Variants in GTF2F2 observed in about 807,000 individuals in gnomAD.
The protein encoded by GTF2F2 is ATP-dependent helicase GTF2F2.
Under a neutral mutation model 42.2 loss-of-function variants are expected in GTF2F2, and 23 were observed. That is an observed-to-expected ratio of 0.55 (90% confidence interval 0.39 to 0.77). The LOEUF (loss-of-function observed/expected upper bound fraction) is 0.77, where lower values mean the gene tolerates loss of function less well. GTF2F2 is among the 30% of genes least tolerant of loss of function. The probability of loss-of-function intolerance (pLI) is 0.00; values close to 1 mark genes in which losing one functional copy is unlikely to be tolerated. For synonymous variants in GTF2F2, 105 were observed against 100.8 expected, an observed-to-expected ratio of 1.04 and a Z score of -0.25; for missense variants, 261 against 287.2, an observed-to-expected ratio of 0.91 and a Z score of 0.66.
intron 6 of GTF2F2, among the ~76,000 whole-genome samples, chr13:45,260,096 G>A (rs1876273744): frequency 6.6e-6 from 1 of 151,930 alleles, no homozygotes; most frequent in African/African-American, 2.4e-5. Context: ...ACTGGTTGTT[G>A]AGGTAAACCC....
chr13:45,165,435 A>G (rs1038391291), intron 4 of GTF2F2, among the ~76,000 whole-genome samples: 2 of 151,354 alleles, frequency 1.3e-5, no homozygotes, highest in Non-Finnish European at 2.9e-5. Context: ...TTAAAGATTC[A>G]TATACAGTAA....
chr13:45,257,654 G>C (rs190405389), intron 6 of GTF2F2, among the ~76,000 whole-genome samples: 2 of 152,198 alleles, frequency 1.3e-5, no homozygotes, highest in South Asian at 2.1e-4. Flanking sequence ...TTTACAAGAG[G>C]GCCCACTGGG....
chr13:45,135,698 T>C (rs1869585496), intron 1 of GTF2F2, among the ~76,000 whole-genome samples: 1 of 152,252 alleles, frequency 6.6e-6, no homozygotes. Context: ...GTCGTGTTTT[T>C]TTGCACATGA....
intron 4 of GTF2F2, among the ~76,000 whole-genome samples, chr13:45,165,645 G>A (rs1411774136): frequency 2.4e-4 from 36 of 148,470 alleles, no homozygotes; most frequent in Admixed American, 2.4e-3. Flanking sequence ...AAATAGTACA[G>A]TGAACTTCCA....
intron 7 of GTF2F2, among the ~76,000 whole-genome samples, chr13:45,273,773 G>A (rs1438322945): frequency 6.6e-6 from 1 of 150,600 alleles, no homozygotes; most frequent in Non-Finnish European, 1.5e-5. Context: ...TCCTGCCTCA[G>A]CCTCCTGAGT....
intron 4 of GTF2F2, among the ~76,000 whole-genome samples, chr13:45,166,063 A>G (rs2181764): frequency 0.23 from 34,839 of 151,838 alleles, 4,328 homozygotes; most frequent in African/African-American, 0.3. Context: ...ATCTGCCAGC[A>G]TCAGCCTCTC....
In GTF2F2 at chr13:45,149,858, G is replaced by C. The variant is rs1484415368; in HGVS notation, c.159+70G>C. 5.7e-6 allele frequency: 8 copies of C among 1,395,986 alleles called. No individual in the cohort carries two copies. In the African/African-American group the frequency reaches 5.9e-5, roughly 10 times the overall value. The allele number at this position is 1,395,986 out of a possible 1,614,324, so 86.5% of individuals were successfully genotyped here. On this transcript the variant is annotated intron_variant, in intron 3 of 7. Transcript: ENST00000340473. ...CTTTTCATTAATAATAGTGAAAAAAGAGTGTTTGAATTTTGGAAAACTCCA... is the reference window on the plus strand; with the variant it reads ...CTTTTCATTAATAATAGTGAAAAAACAGTGTTTGAATTTTGGAAAACTCCA...
intron 4 of GTF2F2, among the ~76,000 whole-genome samples, chr13:45,201,628 C>T (rs959631294): frequency 1.3e-5 from 2 of 152,072 alleles, no homozygotes; most frequent in South Asian, 4.1e-4. Flanking sequence ...AATTTTCTCT[C>T]GAGTTTTTTC....
chr13:45,188,218 A>T (rs1009350951), intron 4 of GTF2F2, among the ~76,000 whole-genome samples: 1 of 152,170 alleles, frequency 6.6e-6, no homozygotes, highest in African/African-American at 2.4e-5. Context: ...TGCTGATTTT[A>T]TATTGCTGAC....
At chr13:45,262,712 C>T (rs1201720178) in intron 6 of GTF2F2, among the ~76,000 whole-genome samples, 1 of 151,980 alleles carries the variant, frequency 6.6e-6, no homozygotes, top group Non-Finnish European at 1.5e-5. Flanking sequence ...AGCCACTGCG[C>T]CCGGCCTAAT....
chr13:45,247,895 A>T (rs1001076911), intron 5 of GTF2F2, among the ~76,000 whole-genome samples: 1 of 152,248 alleles, frequency 6.6e-6, no homozygotes, highest in East Asian at 1.9e-4. Flanking sequence ...CCCAGGCATG[A>T]GTGCAGTGGA....
chr13:45,249,963 T>C (rs1177528165), intron 5 of GTF2F2, among the ~76,000 whole-genome samples: 1 of 152,164 alleles, frequency 6.6e-6, no homozygotes, highest in Non-Finnish European at 1.5e-5. Context: ...CTTCAATCTT[T>C]TTTCTCTCTC....
chr13:45,210,249 C>G (rs1414127982), intron 5 of GTF2F2, among the ~76,000 whole-genome samples: 1 of 152,176 alleles, frequency 6.6e-6, no homozygotes, highest in Non-Finnish European at 1.5e-5. Context: ...CCATCCTCAT[C>G]TTTTTCTTCC....
chr13:45,265,689 GT>G (rs1876534433), intron 6 of GTF2F2, among the ~76,000 whole-genome samples: 1 of 152,056 alleles, frequency 6.6e-6, no homozygotes, highest in African/African-American at 2.4e-5. Context: ...CATATTTTTA[GT>G]TTTAATATCA....
At chr13:45,249,600 A>G (rs1487377099) in intron 5 of GTF2F2, among the ~76,000 whole-genome samples, 1 of 152,232 alleles carries the variant, frequency 6.6e-6, no homozygotes, top group African/African-American at 2.4e-5. Flanking sequence ...GAAGCACTTC[A>G]CTAAACAAAC....
At chr13:45,121,556 G>C (rs1868633677) in intron 1 of GTF2F2, among the ~76,000 whole-genome samples, 1 of 152,158 alleles carries the variant, frequency 6.6e-6, no homozygotes. Flanking sequence ...CAGCCCCCTT[G>C]TGATCATTTG....
intron 6 of GTF2F2, among the ~76,000 whole-genome samples, chr13:45,256,738 C>T (rs997746083): frequency 6.6e-6 from 1 of 152,000 alleles, no homozygotes; most frequent in African/African-American, 2.4e-5. Context: ...GACTGAGAAA[C>T]ATAAACGAAC....
At chr13:45,252,707 G>A (rs1875928514) in intron 5 of GTF2F2, among the ~76,000 whole-genome samples, 164 bp from the exon 6 acceptor site, 1 of 152,096 alleles carries the variant, frequency 6.6e-6, no homozygotes, top group Non-Finnish European at 1.5e-5. Context: ...CTGCATTATA[G>A]TCACGTATAT....
At chr13:45,199,098 C>G (rs191757657) in intron 4 of GTF2F2, among the ~76,000 whole-genome samples, 4 of 152,204 alleles carry the variant, frequency 2.6e-5, no homozygotes, top group Admixed American at 2.6e-4. Context: ...CAAACTGTGC[C>G]AAGTACTTGA....
Sources: allele counts gnomAD v4.1 joint callset (sites outside exome capture counted in the v4.1 genomes callset), GRCh38; gene constraint gnomAD v4.1.1; transcripts MANE v1.5; gene names NCBI Gene and HGNC (gene_info 2026-07-23, HGNC 2026-07-21).